Variants in CDS2 observed in about 807,000 individuals in gnomAD.
CDS2 encodes the protein phosphatidate cytidylyltransferase 2.
Under a neutral mutation model 59.0 loss-of-function variants are expected in CDS2, and 47 were observed. That is an observed-to-expected ratio of 0.80 (90% CI 0.63 to 1.02). The LOEUF is 1.02. Ranked by LOEUF, CDS2 falls within the 50% of genes least tolerant of loss-of-function variation. The probability of loss-of-function intolerance (pLI) is 0.00; values close to 1 mark genes in which losing one functional copy is unlikely to be tolerated. For missense variants in CDS2, 356 were observed against 558.9 expected, an observed-to-expected ratio of 0.64 and a Z score of 3.66; for synonymous variants, 207 against 206.4, an observed-to-expected ratio of 1.00 and a Z score of -0.02.
Position 5,143,336 on chromosome 20 carries a change from G to A in CDS2, c.57+16187G>A, listed in dbSNP as rs79650032. On this transcript the variant is annotated intron_variant, in intron 1 of 12. Transcript: ENST00000460006. Reference sequence around the variant, plus strand: ...AGAGGACCTTTCATAGACTGCTTGAGGGAGTATAGATTGGCACAATCATTC... The same window carrying A: ...AGAGGACCTTTCATAGACTGCTTGAAGGAGTATAGATTGGCACAATCATTC... 2.1e-3 allele frequency among the ~76,000 whole-genome samples: 314 copies of A among 152,292 alleles called. 1 individual carries two copies. Among genetic ancestry groups the A allele is most frequent in the Non-Finnish European group, 3.8e-3 (259 of 68,024 alleles).
At position 5,192,296 on chromosome 20, in the gene CDS2, A is replaced by T. The variant is rs1346661787; in HGVS notation, c.*2062A>T. On this transcript the variant is annotated 3_prime_UTR_variant, in exon 13 of 13. Coordinates refer to ENST00000460006, the MANE Select transcript of CDS2 (RefSeq NM_003818.4). ...TGCCTTTGGGATCAGGGAGCCGAGC[A>T]TACTGGGCAAGGCTCATCATGTTCC... 1 of 149,496 alleles carries T rather than the reference A, an allele frequency of 6.7e-6. No homozygotes were observed. The highest frequency in any genetic ancestry group is 2.5e-5 in the African/African-American group (1 of 40,812). 9.3% of individuals were successfully genotyped at this position (149,496 alleles called of 1,614,324 possible).
At chr20:5,166,921 T>C (rs1005363981) in intron 1 of CDS2, among the ~76,000 whole-genome samples, 2 of 152,126 alleles carry the variant, frequency 1.3e-5, no homozygotes, top group Non-Finnish European at 2.9e-5. Context: ...GGGAAGAAAG[T>C]GCATTGGTTG....
chr20:5,187,980 C>G (rs2091082650), intron 10 of CDS2: 1 of 151,974 alleles, frequency 6.6e-6, no homozygotes, highest in African/African-American at 2.4e-5. Flanking sequence ...AAAGCTTAAC[C>G]TGCCACTGTG....
intron 12 of CDS2, 96 bp downstream of exon 12, chr20:5,189,934 C>T (rs898864618): frequency 7.5e-7 from 1 of 1,339,398 alleles, no homozygotes; most frequent in Non-Finnish European, 1.0e-6. Context: ...GAAAAGCATC[C>T]CAAATAATGC....
In CDS2 at chr20:5,190,341, C is replaced by CTTTT; in HGVS notation, c.*120_*123dup. 9 of 688,558 alleles carry CTTTT rather than the reference C, an allele frequency of 1.3e-5. No individual in the cohort carries two copies. Among genetic ancestry groups the CTTTT allele is most frequent in the South Asian group, 3.2e-5 (1 of 31,232 alleles). The allele number at this position is 688,558 out of a possible 1,614,324, so 42.7% of individuals were successfully genotyped here. ...CAATGACGAGGCTTCAACTCACTGT[C>CTTTT]TTTTTTTTTTTTTTTTGGAGGGTAT... On this transcript the variant is annotated 3_prime_UTR_variant, in exon 13 of 13. Transcript: ENST00000460006.
chr20:5,159,412 A>G (rs978916377), intron 1 of CDS2, among the ~76,000 whole-genome samples: 3 of 149,798 alleles, frequency 2.0e-5, no homozygotes, highest in East Asian at 4.0e-4. Flanking sequence ...AAATGACTCA[A>G]TGGTCTTGAT....
chr20:5,142,680 A>C (rs2090704801), intron 1 of CDS2, among the ~76,000 whole-genome samples: 1 of 152,098 alleles, frequency 6.6e-6, no homozygotes, highest in Non-Finnish European at 1.5e-5. Context: ...CAACATTAAA[A>C]TTAAGAACTT....
chr20:5,158,337 T>C (rs2090850170), intron 1 of CDS2, among the ~76,000 whole-genome samples: 1 of 151,960 alleles, frequency 6.6e-6, no homozygotes, highest in Non-Finnish European at 1.5e-5. Flanking sequence ...GCCCAGCTAA[T>C]TTTTTTGTAT....
intron 3 of CDS2, chr20:5,176,154 C>T (rs541459673): frequency 5.8e-5 from 9 of 153,892 alleles, no homozygotes; most frequent in Non-Finnish European, 1.2e-4. Flanking sequence ...CATGGCGGCT[C>T]ACGCCTATAA....
chr20:5,148,548 C>T (rs925095322), intron 1 of CDS2, among the ~76,000 whole-genome samples: 2 of 152,136 alleles, frequency 1.3e-5, no homozygotes, highest in African/African-American at 2.4e-5. Context: ...TTTCCATGGG[C>T]TTAACTCTGA....
rs552339074 is a variant in CDS2 at position 5,175,039 on chromosome 20, G to T, written c.195-144G>T. On this transcript the variant is annotated intron_variant, in intron 2 of 12. Transcript: ENST00000460006. ...GTGGTCCTGCTCCTGCCAGCATGTG[G>T]CTGGTGCCTCCGTCACGGTGAATCT... 1,843 of 645,332 alleles carry T rather than the reference G, an allele frequency of 2.9e-3. 50 individuals are homozygous for T. The South Asian group carries it at 0.033, about 11-fold the overall frequency. 40.0% of individuals were successfully genotyped at this position (645,332 alleles called of 1,614,324 possible).
chr20:5,147,105 G>T (rs1047244339), intron 1 of CDS2, among the ~76,000 whole-genome samples: 3 of 152,218 alleles, frequency 2.0e-5, no homozygotes, highest in Non-Finnish European at 2.9e-5. Flanking sequence ...TCCCTCCTGA[G>T]GGGTCATGTG....
At chr20:5,161,730 T>G (rs1263469049) in intron 1 of CDS2, among the ~76,000 whole-genome samples, 2 of 152,256 alleles carry the variant, frequency 1.3e-5, no homozygotes, top group East Asian at 3.8e-4. Flanking sequence ...TTTTCAGTAC[T>G]GCAGTAGAGT....
intron 1 of CDS2, among the ~76,000 whole-genome samples, chr20:5,134,513 A>C (rs1261213228): frequency 6.6e-6 from 1 of 152,004 alleles, no homozygotes; most frequent in African/African-American, 2.4e-5. Context: ...TAAGAGTTTT[A>C]TTTTTATTTA....
chr20:5,130,313 C>T (rs2090594140), intron 1 of CDS2, among the ~76,000 whole-genome samples: 1 of 152,134 alleles, frequency 6.6e-6, no homozygotes, highest in African/African-American at 2.4e-5. Flanking sequence ...TATTCTGTTT[C>T]ATAGTTTGGG....
intron 1 of CDS2, among the ~76,000 whole-genome samples, chr20:5,134,401 G>A (rs6139635): frequency 2.6e-5 from 4 of 151,996 alleles, no homozygotes; most frequent in Non-Finnish European, 5.9e-5. Context: ...GTGTTCATAA[G>A]GATATTATTC....
At chr20:5,180,256 C>G (rs981873393) in intron 5 of CDS2, among the ~76,000 whole-genome samples, 7 of 151,674 alleles carry the variant, frequency 4.6e-5, no homozygotes, top group Non-Finnish European at 1.0e-4. Flanking sequence ...CCATGTGGAT[C>G]CCTCTTCTCC....
At chr20:5,188,055 C>T (rs181062127) in intron 10 of CDS2, among the ~76,000 whole-genome samples, 64 of 148,900 alleles carry the variant, frequency 4.3e-4, no homozygotes, top group Admixed American at 1.0e-3. Flanking sequence ...TCTTAACGTA[C>T]GTGTGTGTGT....
At chr20:5,175,382 G>A in intron 3 of CDS2, 103 bp downstream of exon 3, 1 of 876,422 alleles carries the variant, frequency 1.1e-6, no homozygotes, top group Non-Finnish European at 1.9e-6. Context: ...ATTGACGGGG[G>A]TCCAGGCTTC....
Sources: allele counts gnomAD v4.1 joint callset (sites outside exome capture counted in the v4.1 genomes callset), GRCh38; gene constraint gnomAD v4.1.1; transcripts MANE v1.5; gene names NCBI Gene and HGNC (gene_info 2026-07-23, HGNC 2026-07-21).